The following CDRT4 variants were observed in gnomAD, a reference collection of about 807,000 sequenced individuals.
CDRT4 encodes CMT1A duplicated region transcript 4 protein.
For missense variants in CDRT4, 167 were observed against 193.1 expected, an observed-to-expected ratio of 0.87 and a Z score of 0.80; for synonymous variants, 64 against 69.6, an observed-to-expected ratio of 0.92 and a Z score of 0.40.
At chr17:15,446,148 T>C (rs1403689910) in intron 2 of CDRT4, among the ~76,000 whole-genome samples, 2 of 152,130 alleles carry the variant, frequency 1.3e-5, no homozygotes, top group African/African-American at 2.4e-5. Flanking sequence ...TCCACCCGAA[T>C]GGGCCGACAA....
intron 2 of CDRT4, among the ~76,000 whole-genome samples, chr17:15,442,859 C>T (rs1187367404): frequency 1.3e-5 from 2 of 152,238 alleles, no homozygotes; most frequent in African/African-American, 2.4e-5. Context: ...GACATTAAGT[C>T]TGAAGAGAAG....
At chr17:15,452,816 G>A (rs2954778) in intron 2 of CDRT4, among the ~76,000 whole-genome samples, 188 bp downstream of exon 2, 31,794 of 152,094 alleles carry the variant, frequency 0.21, 6,259 homozygotes, top group East Asian at 0.48. Context: ...TATCAAGGCC[G>A]TCTATCCCAT....
In CDRT4 at chr17:15,437,816, G is replaced by A; in HGVS notation, c.416C>T (p.Ala139Val). Residue 139 changes from alanine to valine, a missense_variant, in exon 4 of 4, where the codon GCC becomes GTC. By Grantham distance (64) the Ala-to-Val change is moderately conservative. Transcript: ENST00000619038. Reference protein sequence around the residue: ...PTENYNKIIFARKPMMRMLPT... With the variant: ...PTENYNKIIFVRKPMMRMLPT... ...GAGCATCCTCATCATAGGCTTGCGG[G>A]CAAAGATGATCTTGTTATAGTTTTC... is the stretch of plus-strand genomic sequence containing the variant. 6.2e-7 allele frequency: 1 copy of A among 1,614,154 alleles called. No individual in the cohort carries two copies. Among genetic ancestry groups the A allele is most frequent in the Non-Finnish European group, 8.5e-7 (1 of 1,180,028 alleles).
chr17:15,455,776 T>C (rs2150795287), intron 1 of CDRT4, among the ~76,000 whole-genome samples: 1 of 152,252 alleles, frequency 6.6e-6, no homozygotes, highest in Non-Finnish European at 1.5e-5. Context: ...CTTGCCAATA[T>C]CCATGTGAGT....
chr17:15,440,350 G>A (rs1231773920), intron 2 of CDRT4, 65 bp from the exon 3 acceptor site: 3 of 1,563,108 alleles, frequency 1.9e-6, no homozygotes, highest in East Asian at 4.7e-5. Flanking sequence ...TAGCCACCCT[G>A]GGTGGGGGTG....
chr17:15,461,297 C>G (rs142183277), intron 1 of CDRT4, among the ~76,000 whole-genome samples: 1 of 152,162 alleles, frequency 6.6e-6, no homozygotes, highest in East Asian at 1.9e-4. Flanking sequence ...GATAGCAAGG[C>G]GAAGGCAGCA....
In CDRT4 at chr17:15,466,880, T is replaced by C. The variant is rs540821355; in HGVS notation, c.-130+580A>G. 3.2e-4 allele frequency among the ~76,000 whole-genome samples: 48 copies of C among 152,342 alleles called. No homozygotes were observed. In the South Asian group the frequency reaches 9.9e-3, roughly 32 times the overall value. On this transcript the variant is annotated intron_variant, in intron 1 of 3. Transcript: ENST00000619038. The stretch of plus-strand genomic sequence containing the variant: ...AATTATTTTTAAATAAGTGACTTGA[T>C]TATTATTGTTTTGTAAAAATCCTCT...
intron 1 of CDRT4, among the ~76,000 whole-genome samples, chr17:15,455,592 C>G (rs1232619024): frequency 3.3e-5 from 5 of 152,212 alleles, no homozygotes; most frequent in Non-Finnish European, 7.3e-5. Context: ...AAGTTGGCTT[C>G]CATCTTGAGC....
intron 1 of CDRT4, among the ~76,000 whole-genome samples, chr17:15,460,519 A>G (rs1329734270): frequency 6.6e-6 from 1 of 152,180 alleles, no homozygotes; most frequent in Non-Finnish European, 1.5e-5. Context: ...TACAGAGGGT[A>G]AAATTGAGGC....
intron 2 of CDRT4, among the ~76,000 whole-genome samples, chr17:15,441,208 C>T (rs1978740884): frequency 6.6e-6 from 1 of 152,212 alleles, no homozygotes; most frequent in Admixed American, 6.5e-5. Flanking sequence ...TTCTGAACAG[C>T]TCCCAGATGA....
intron 1 of CDRT4, among the ~76,000 whole-genome samples, chr17:15,454,106 G>A (rs891423275): frequency 3.9e-5 from 6 of 152,138 alleles, no homozygotes; most frequent in African/African-American, 1.4e-4. Flanking sequence ...TGAAGATCAG[G>A]GAAGGGACTG....
rs1332597862 is a variant in CDRT4 at position 15,464,778 on chromosome 17, C to T, written c.-130+2682G>A. 1.3e-5 allele frequency among the ~76,000 whole-genome samples: 2 copies of T among 152,174 alleles called. No homozygotes were observed. Among genetic ancestry groups the T allele is most frequent in the Admixed American group, 6.5e-5 (1 of 15,276 alleles). On this transcript the variant is annotated intron_variant, in intron 1 of 3. Coordinates refer to ENST00000619038, the MANE Select transcript of CDRT4 (RefSeq NM_001204477.2). The surrounding 1 kb of genome is among the most constrained non-coding windows in gnomAD (Gnocchi z 4.5). ...CCTTTTCTCTGCCAAAATCCCCCAG[C>T]GAATGGCCCATACCAGCGGTTGCTC...
chr17:15,439,241 A>G (rs1279695201), intron 3 of CDRT4: 2 of 444,434 alleles, frequency 4.5e-6, no homozygotes, highest in Non-Finnish European at 9.0e-6. Flanking sequence ...GAGTTAAAAG[A>G]GTCATCTTGC....
chr17:15,441,348 G>C (rs888984109), intron 2 of CDRT4, among the ~76,000 whole-genome samples: 1 of 152,208 alleles, frequency 6.6e-6, no homozygotes, highest in Non-Finnish European at 1.5e-5. Context: ...TCCCACCTTA[G>C]AGATTCTGAT....
chr17:15,439,855 C>A (rs1211633674), intron 3 of CDRT4, among the ~76,000 whole-genome samples: 20 of 151,936 alleles, frequency 1.3e-4, no homozygotes, highest in Non-Finnish European at 1.2e-4. Context: ...AACCAAACAC[C>A]GTTATGTTCT....
Position 15,436,063 on chromosome 17 carries a change from G to A in CDRT4, c.*1710C>T, listed in dbSNP as rs1233577038. On this transcript the variant is annotated 3_prime_UTR_variant, in exon 4 of 4. Transcript: ENST00000619038. ...ATTGCCTGCCTCCATGTCTATAAAC[G>A]TTCCATGGACACAAAATACAATCAT... 1.3e-5 allele frequency: 2 copies of A among 152,048 alleles called. No individual in the cohort carries two copies. The highest frequency in any genetic ancestry group is 1.9e-4 in the East Asian group (1 of 5,184). The allele number at this position is 152,048 out of a possible 1,614,324, so 9.4% of individuals were successfully genotyped here. A position where few individuals can be genotyped will look rare whatever the true frequency, so the allele number is the denominator to read the frequency against.
At chr17:15,443,268 T>A (rs1363566259) in intron 2 of CDRT4, among the ~76,000 whole-genome samples, 1 of 149,246 alleles carries the variant, frequency 6.7e-6, no homozygotes, top group Non-Finnish European at 1.5e-5. Flanking sequence ...GTTCTGTAAT[T>A]TCTTTTTTTC....
In CDRT4 at chr17:15,454,351, G is replaced by A. The variant is rs1979390137; in HGVS notation, c.-129-1266C>T. Among the ~76,000 whole-genome samples, 3 of 152,062 alleles carry A rather than the reference G, an allele frequency of 2.0e-5. 1 individual carries two copies. The highest frequency in any genetic ancestry group is 2.0e-4 in the Admixed American group (3 of 15,264). On this transcript the variant is annotated intron_variant, in intron 1 of 3. Coordinates refer to ENST00000619038, the MANE Select transcript of CDRT4 (RefSeq NM_001204477.2). ...CACATACATACACATGTTAACCGAG[G>A]GATGTTTCCAGCCAACAGGCAGCAA...
intron 2 of CDRT4, among the ~76,000 whole-genome samples, chr17:15,448,440 GT>G (rs2150790357): frequency 6.6e-6 from 1 of 152,330 alleles, no homozygotes; most frequent in Admixed American, 6.5e-5. Context: ...AGCAAAAGGT[GT>G]AGGGCTTTAC....
Sources: gnomAD v4.1 joint callset for allele counts (sites outside exome capture counted in the v4.1 genomes callset) on GRCh38, gnomAD v4.1.1 for gene constraint, Gnocchi (gnomAD v3.1) non-coding constraint, MANE v1.5 for transcripts, NCBI Gene and HGNC (gene_info 2026-07-23, HGNC 2026-07-21) for gene names.